The following PLCB1 variants were observed in gnomAD, a reference collection of about 807,000 sequenced individuals.
PLCB1 encodes the protein phospholipase C beta 1, also known as 1-phosphatidylinositol 4,5-bisphosphate phosphodiesterase beta-1.
In PLCB1, 46 loss-of-function variants were observed where a neutral mutation model predicts 161.8. The ratio of observed to expected loss-of-function variants is 0.28; its 90% CI spans 0.22 to 0.36. The LOEUF (loss-of-function observed/expected upper bound fraction) is 0.36. Ranked by LOEUF, PLCB1 falls within the 10% of genes least tolerant of loss-of-function variation. The probability of loss-of-function intolerance (pLI) is 1.00; values close to 1 mark genes in which losing one functional copy is unlikely to be tolerated. For synonymous variants in PLCB1, 517 were observed against 503.7 expected (o/e 1.03, Z -0.35); for missense variants, 1,016 against 1,472.5 (o/e 0.69, Z 5.07).
At chr20:8,430,607 C>A (rs897524132) in intron 3 of PLCB1, among the ~76,000 whole-genome samples, 5 of 152,154 alleles carry the variant, frequency 3.3e-5, no homozygotes, top group Non-Finnish European at 7.3e-5. Flanking sequence ...ATAGGCCAAC[C>A]TAACTGCAGC....
At chr20:8,868,807 T>A (rs1987515110) in intron 31 of PLCB1, among the ~76,000 whole-genome samples, 1 of 152,084 alleles carries the variant, frequency 6.6e-6, no homozygotes, top group African/African-American at 2.4e-5. Context: ...AGTTTTTTTT[T>A]ATTTTTAGTA....
intron 2 of PLCB1, among the ~76,000 whole-genome samples, chr20:8,354,049 A>G (rs1400022658): frequency 6.6e-6 from 1 of 151,828 alleles, no homozygotes; most frequent in East Asian, 1.9e-4. Flanking sequence ...AGCTAAACAT[A>G]TAATCGTGGT....
chr20:8,566,734 G>T (rs1286498006), intron 3 of PLCB1, among the ~76,000 whole-genome samples: 5 of 151,960 alleles, frequency 3.3e-5, no homozygotes, highest in Non-Finnish European at 5.9e-5. Context: ...AGTACTTACA[G>T]GTGGTGAAGT....
rs201211351 is a variant in PLCB1, at chr20:8,134,213, CA to C, written c.99+1464del. Among the ~76,000 whole-genome samples, 1,058 of 151,902 alleles carry C rather than the reference CA, an allele frequency of 7.0e-3. 56 individuals are homozygous for C. Among genetic ancestry groups the C allele is most frequent in the Admixed American group, 0.062 (947 of 15,282 alleles). On this transcript the variant is annotated intron_variant, in intron 1 of 31. Transcript: ENST00000338037. ...CAGACGCAGATTAAATGCTTTGTGTCAGGGAAAAAAAAGACAAAGAAAATGC... is the reference window on the plus strand; with the variant it reads ...CAGACGCAGATTAAATGCTTTGTGTCGGGAAAAAAAAGACAAAGAAAATGC...
rs539713576 is a variant in PLCB1, at chr20:8,752,382, C to A, written c.2524-4664C>A. On this transcript the variant is annotated intron_variant, in intron 23 of 31. Transcript: ENST00000338037. ...TATTTTGCTTTATTATGGTACTGTG[C>A]GTGTTGCCTACACTGACTGGCTGTG... 4 of 152,218 alleles carry A rather than the reference C, an allele frequency of 2.6e-5. No individual in the cohort carries two copies. The East Asian group carries it at 7.7e-4, about 29-fold the overall frequency. 9.4% of individuals were successfully genotyped at this position (152,218 alleles called of 1,614,324 possible).
At chr20:8,395,477 T>A (rs891431242) in intron 3 of PLCB1, among the ~76,000 whole-genome samples, 10 of 152,096 alleles carry the variant, frequency 6.6e-5, no homozygotes, top group African/African-American at 1.9e-4. Flanking sequence ...TAAGGAAAAT[T>A]AAATTTTAAG....
intron 2 of PLCB1, among the ~76,000 whole-genome samples, chr20:8,328,830 G>A (rs773615116): frequency 3.9e-5 from 6 of 152,140 alleles, no homozygotes; most frequent in East Asian, 1.9e-4. Context: ...AAGGAAACAC[G>A]GAACATAAGC....
chr20:8,864,532 A>G (rs1371967964), intron 31 of PLCB1, among the ~76,000 whole-genome samples: 1 of 152,184 alleles, frequency 6.6e-6, no homozygotes, highest in African/African-American at 2.4e-5. Context: ...CACTTGATAA[A>G]TTTTTGGACA....
chr20:8,524,037 G>A (rs1984486098), intron 3 of PLCB1, among the ~76,000 whole-genome samples: 1 of 152,068 alleles, frequency 6.6e-6, no homozygotes, highest in Non-Finnish European at 1.5e-5. Flanking sequence ...TTCAAAATTT[G>A]ATATATATGT....
intron 2 of PLCB1, among the ~76,000 whole-genome samples, chr20:8,351,180 T>TA (rs1390372070): frequency 6.6e-6 from 1 of 152,106 alleles, no homozygotes; most frequent in East Asian, 1.9e-4. Flanking sequence ...CAAGCCCCCA[T>TA]ATAGACCCAG....
intron 2 of PLCB1, among the ~76,000 whole-genome samples, chr20:8,291,356 C>T (rs912943970): frequency 2.6e-5 from 4 of 152,058 alleles, no homozygotes; most frequent in African/African-American, 9.7e-5. Flanking sequence ...TTATTCCTGC[C>T]CAAAACAAGG....
chr20:8,737,266 G>A lies in PLCB1; in HGVS notation c.2208+74G>A, dbSNP rs548662725. 1.7e-4 allele frequency: 197 copies of A among 1,193,554 alleles called. No individual in the cohort carries two copies. The East Asian group carries it at 4.3e-3, about 26-fold the overall frequency. 73.9% of individuals were successfully genotyped at this position (1,193,554 alleles called of 1,614,324 possible). ...TTTACACTGAGAAAATAATGAAATG[G>A]TGAATTATTTGTTATTTAATTTGAA... On this transcript the variant is annotated intron_variant, in intron 20 of 31. Transcript: ENST00000338037.
intron 1 of PLCB1, among the ~76,000 whole-genome samples, chr20:8,138,681 T>C (rs1396010998): frequency 6.6e-6 from 1 of 152,192 alleles, no homozygotes; most frequent in Non-Finnish European, 1.5e-5. Context: ...CATTTACATA[T>C]ATGACCATAA....
intron 2 of PLCB1, among the ~76,000 whole-genome samples, chr20:8,288,839 A>T (rs1241809457): frequency 6.6e-6 from 1 of 152,166 alleles, no homozygotes; most frequent in Non-Finnish European, 1.5e-5. Flanking sequence ...ATGTATAGTC[A>T]TAGCATTTAT....
chr20:8,232,876 A>G (rs1050014931), intron 2 of PLCB1, among the ~76,000 whole-genome samples: 6 of 152,166 alleles, frequency 3.9e-5, no homozygotes, highest in African/African-American at 1.2e-4. Flanking sequence ...GCATGGTCCA[A>G]TACCCTTCTA....
At chr20:8,455,406 C>A (rs1600413178) in intron 3 of PLCB1, among the ~76,000 whole-genome samples, 2 of 140,812 alleles carry the variant, frequency 1.4e-5, no homozygotes, top group Admixed American at 7.2e-5. Context: ...ATATATATAA[C>A]AATTATTATT....
At chr20:8,734,356 C>T (rs1257303896) in intron 19 of PLCB1, among the ~76,000 whole-genome samples, 2 of 151,640 alleles carry the variant, frequency 1.3e-5, no homozygotes, top group African/African-American at 4.8e-5. Flanking sequence ...TTTTTTTCCC[C>T]GTTTGGTTCT....
At chr20:8,244,835 T>A (rs1243440808) in intron 2 of PLCB1, among the ~76,000 whole-genome samples, 1 of 151,868 alleles carries the variant, frequency 6.6e-6, no homozygotes, top group Non-Finnish European at 1.5e-5. Context: ...AGGTTGGTTC[T>A]GGGCCAAACT....
intron 2 of PLCB1, among the ~76,000 whole-genome samples, chr20:8,334,757 T>G (rs1389468476): frequency 2.0e-5 from 3 of 152,252 alleles, no homozygotes; most frequent in Admixed American, 2.0e-4. Flanking sequence ...TTCTTTCTTC[T>G]GTGGTCATTC....
Sources: gnomAD v4.1 joint callset for allele counts (sites outside exome capture counted in the v4.1 genomes callset) on GRCh38, gnomAD v4.1.1 for gene constraint, MANE v1.5 for transcripts, NCBI Gene and HGNC (gene_info 2026-07-23, HGNC 2026-07-21) for gene names.